The following SNTG1 variants were observed in gnomAD, a reference collection of about 807,000 sequenced individuals.
SNTG1 encodes the protein gamma-1-syntrophin.
SNTG1 carries 39 observed loss-of-function variants against 74.7 expected under a neutral mutation model. The ratio of observed to expected loss-of-function variants is 0.52; its 90% CI spans 0.40 to 0.68. SNTG1 has a LOEUF of 0.68. SNTG1 is among the 30% of genes least tolerant of loss of function. The probability of loss-of-function intolerance (pLI) is 0.00; values close to 1 mark genes in which losing one functional copy is unlikely to be tolerated. For synonymous variants in SNTG1, 254 were observed against 217.1 expected, an observed-to-expected ratio of 1.17 and a Z score of -1.49; for missense variants, 685 against 609.5, an observed-to-expected ratio of 1.12 and a Z score of -1.30.
intron 2 of SNTG1, among the ~76,000 whole-genome samples, chr8:50,246,198 A>T (rs2086390784): frequency 6.6e-6 from 1 of 151,668 alleles, no homozygotes; most frequent in Non-Finnish European, 1.5e-5. Context: ...GAAATATAAC[A>T]TCCTTAATCT....
chr8:50,169,292 C>T (rs930228660), intron 1 of SNTG1, among the ~76,000 whole-genome samples: 4 of 152,166 alleles, frequency 2.6e-5, no homozygotes, highest in African/African-American at 9.7e-5. Context: ...TAACTGACAT[C>T]AATAGTGTAT....
At chr8:50,537,749 AT>A (rs1313455447) in intron 11 of SNTG1, among the ~76,000 whole-genome samples, 1 of 152,120 alleles carries the variant, frequency 6.6e-6, no homozygotes, top group African/African-American at 2.4e-5. Context: ...TATAGTAAAT[AT>A]TTTATGCTTT....
intron 13 of SNTG1, among the ~76,000 whole-genome samples, chr8:50,616,571 C>T (rs755855131): frequency 4.4e-4 from 67 of 152,316 alleles, no homozygotes; most frequent in African/African-American, 1.5e-3. Flanking sequence ...CACAGGCAGG[C>T]AATAGGACAT....
chr8:50,320,101 C>A (rs2090467784), intron 2 of SNTG1, among the ~76,000 whole-genome samples: 1 of 152,098 alleles, frequency 6.6e-6, no homozygotes, highest in African/African-American at 2.4e-5. Context: ...GTCGTTCTTT[C>A]AATGTTTGAT....
intron 2 of SNTG1, among the ~76,000 whole-genome samples, chr8:50,298,915 G>A (rs565782812): frequency 5.3e-5 from 8 of 152,144 alleles, no homozygotes; most frequent in Admixed American, 3.9e-4. Context: ...TGATCTTGTA[G>A]CAACAAAATC....
chr8:49,939,105 G>T (rs1808443493), intron 1 of SNTG1, among the ~76,000 whole-genome samples: 1 of 152,020 alleles, frequency 6.6e-6, no homozygotes, highest in African/African-American at 2.4e-5. Flanking sequence ...ATTTTATTTA[G>T]TACTGCAGAC....
At chr8:50,164,092 C>CTTTTTTTTTTTTT (rs3086088) in intron 1 of SNTG1, 10 of 71,998 alleles carry the variant, frequency 1.4e-4, no homozygotes, top group Admixed American at 3.4e-4. Flanking sequence ...GACACAATTT[C>CTTTTTTTTTTTTT]TTTTTTTTTT....
chr8:50,475,132 A>G (rs986823010), intron 8 of SNTG1, among the ~76,000 whole-genome samples: 2 of 151,904 alleles, frequency 1.3e-5, no homozygotes, highest in Non-Finnish European at 2.9e-5. Context: ...ATGCTAAATG[A>G]TGAGTTAATG....
intron 1 of SNTG1, among the ~76,000 whole-genome samples, chr8:50,080,661 T>G (rs959243048): frequency 1.3e-5 from 2 of 152,218 alleles, no homozygotes; most frequent in African/African-American, 2.4e-5. Flanking sequence ...CAAACATTTT[T>G]GTAAAGATAG....
intron 13 of SNTG1, among the ~76,000 whole-genome samples, chr8:50,635,504 A>T (rs2095033264): frequency 2.0e-5 from 3 of 152,208 alleles, no homozygotes. Flanking sequence ...CCAAAATGCA[A>T]GACAAAGTCC....
intron 16 of SNTG1, chr8:50,708,067 G>T (rs2131547661): frequency 1.7e-5 from 4 of 237,012 alleles, no homozygotes; most frequent in Middle Eastern, 1.4e-3. Flanking sequence ...CAGGCACGGT[G>T]GCGGGCGACT....
At chr8:50,416,055 C>T (rs1340024669) in intron 4 of SNTG1, among the ~76,000 whole-genome samples, 2 of 152,142 alleles carry the variant, frequency 1.3e-5, no homozygotes, top group South Asian at 4.1e-4. Context: ...AATGTCAATG[C>T]TTTTATCTTC....
chr8:50,082,539 G>A (rs778165442), intron 1 of SNTG1, among the ~76,000 whole-genome samples: 1 of 151,938 alleles, frequency 6.6e-6, no homozygotes, highest in African/African-American at 2.4e-5. Flanking sequence ...GGCTTCCTAC[G>A]TAACTGGTCA....
chr8:50,693,584 T>G (rs1406299026), intron 15 of SNTG1, among the ~76,000 whole-genome samples: 5 of 152,170 alleles, frequency 3.3e-5, no homozygotes, highest in African/African-American at 9.7e-5. Flanking sequence ...AAGGAAATAC[T>G]GGATTTGAAC....
At position 50,544,139 on chromosome 8, in the gene SNTG1, A is replaced by C. The variant is rs191729833; in HGVS notation, c.680+7331A>C. ...TAATAATTAAAAATGTTTATTATTT[A>C]ATATTCTCTCTATTCAATTTTCATA... On this transcript the variant is annotated intron_variant, in intron 11 of 18. Coordinates refer to ENST00000642720, the MANE Select transcript of SNTG1 (RefSeq NM_018967.5). 3.7e-3 allele frequency among the ~76,000 whole-genome samples: 567 copies of C among 152,144 alleles called. 6 individuals carry two copies. The highest frequency in any genetic ancestry group is 0.012 in the African/African-American group (511 of 41,548).
chr8:50,086,178 A>G (rs1822869159), intron 1 of SNTG1, among the ~76,000 whole-genome samples: 1 of 152,216 alleles, frequency 6.6e-6, no homozygotes, highest in South Asian at 2.1e-4. Context: ...ATAGGGGACT[A>G]CAGAGAGCTG....
intron 1 of SNTG1, among the ~76,000 whole-genome samples, chr8:49,941,996 GT>G (rs1424431047): frequency 6.6e-6 from 1 of 152,144 alleles, no homozygotes; most frequent in Non-Finnish European, 1.5e-5. Flanking sequence ...ATACAATCTA[GT>G]GGCATATATG....
At chr8:49,955,863 G>A (rs1052976348) in intron 1 of SNTG1, among the ~76,000 whole-genome samples, 2 of 152,164 alleles carry the variant, frequency 1.3e-5, no homozygotes, top group Non-Finnish European at 2.9e-5. Context: ...CAGGCTTGTC[G>A]ATTTATGGGC....
chr8:50,270,970 G>C (rs763515395), intron 2 of SNTG1, among the ~76,000 whole-genome samples: 1 of 152,128 alleles, frequency 6.6e-6, no homozygotes, highest in Non-Finnish European at 1.5e-5. Context: ...ATATGTGCTT[G>C]CTGCCTCTGT....
Sources: allele counts gnomAD v4.1 joint callset (sites outside exome capture counted in the v4.1 genomes callset), GRCh38; gene constraint gnomAD v4.1.1; transcripts MANE v1.5; gene names NCBI Gene and HGNC (gene_info 2026-07-23, HGNC 2026-07-21).